The following RTTN variants were observed in gnomAD, a reference collection of about 807,000 sequenced individuals.
RTTN encodes the protein rotatin.
Under a neutral mutation model 269.2 loss-of-function variants are expected in RTTN, and 182 were observed. That is an observed-to-expected ratio of 0.68 (90% CI 0.60 to 0.76). The LOEUF (loss-of-function observed/expected upper bound fraction) is 0.76. RTTN is among the 30% of genes least tolerant of loss of function. The pLI, the probability that RTTN is intolerant of heterozygous loss-of-function variation, is 0.00. For missense variants in RTTN, 2,545 were observed against 2,608.6 expected, an observed-to-expected ratio of 0.98 and a Z score of 0.53; for synonymous variants, 1,006 against 963.5, an observed-to-expected ratio of 1.04 and a Z score of -0.82.
At chr18:70,154,826 A>C (rs1486037772) in intron 14 of RTTN, among the ~76,000 whole-genome samples, 1 of 152,222 alleles carries the variant, frequency 6.6e-6, no homozygotes. Context: ...CAGCTAGCCA[A>C]AGATAAACAT....
intron 38 of RTTN, chr18:70,053,243 G>A (rs970296114): frequency 3.9e-5 from 6 of 152,188 alleles, no homozygotes; most frequent in Admixed American, 3.9e-4. Flanking sequence ...AGGTAGAGTT[G>A]AGCTTTGGAA....
At chr18:70,179,076 T>C (rs1328847442) in intron 10 of RTTN, among the ~76,000 whole-genome samples, 3 of 152,208 alleles carry the variant, frequency 2.0e-5, no homozygotes, top group Admixed American at 1.3e-4. Context: ...AACTTCAGTG[T>C]ATATTTAAGG....
chr18:70,139,938 G>C (rs2060214654), intron 20 of RTTN, 162 bp downstream of exon 20: 1 of 642,930 alleles, frequency 1.6e-6, no homozygotes, highest in African/African-American at 1.9e-5. Context: ...TTCCTTTATA[G>C]AGACTCCACT....
At chr18:70,126,573 C>T (rs922749304) in intron 25 of RTTN, among the ~76,000 whole-genome samples, 6 of 152,092 alleles carry the variant, frequency 3.9e-5, no homozygotes, top group African/African-American at 1.4e-4. Context: ...GTATGCATAA[C>T]CTCAAGAACA....
Position 70,033,314 on chromosome 18 carries a change from A to G in RTTN, c.5542-2333T>C, listed in dbSNP as rs191686200. ...ATTAAACCTCTTTTCTTTATAAATTACTCCGTGTCAGGTATTTCTTTACAG... is the reference window on the plus strand; with the variant it reads ...ATTAAACCTCTTTTCTTTATAAATTGCTCCGTGTCAGGTATTTCTTTACAG... On this transcript the variant is annotated intron_variant, in intron 40 of 48. Coordinates refer to ENST00000640769, the MANE Select transcript of RTTN (RefSeq NM_173630.4). Among the ~76,000 whole-genome samples, 241 of 152,150 alleles carry G rather than the reference A, an allele frequency of 1.6e-3. 2 individuals carry two copies. Among genetic ancestry groups the G allele is most frequent in the African/African-American group, 5.6e-3 (232 of 41,514 alleles).
chr18:70,004,284 G>T (rs1338914711), intron 48 of RTTN, 48 bp from the exon 49 acceptor site: 1 of 1,337,644 alleles, frequency 7.5e-7, no homozygotes, highest in Non-Finnish European at 1.1e-6. Context: ...ATGAAACTTG[G>T]TACTATACTT....
intron 3 of RTTN, among the ~76,000 whole-genome samples, chr18:70,203,331 T>C (rs1176278413): frequency 1.3e-5 from 2 of 152,036 alleles, no homozygotes; most frequent in African/African-American, 2.4e-5. Context: ...GCCTCCCTAC[T>C]AGCTGGGATT....
chr18:70,124,757 G>A (rs11876161), intron 25 of RTTN, among the ~76,000 whole-genome samples: 2,943 of 152,148 alleles, frequency 0.019, 92 homozygotes, highest in African/African-American at 0.066. Flanking sequence ...AGAACCCACA[G>A]GTGACATGTA....
At chr18:70,193,693 C>T (rs1009933428) in intron 7 of RTTN, among the ~76,000 whole-genome samples, 3 of 152,154 alleles carry the variant, frequency 2.0e-5, no homozygotes, top group African/African-American at 7.2e-5. Context: ...TCAGTTACAA[C>T]ATTAGAGACT....
chr18:70,188,548 T>C (rs1022534911), intron 9 of RTTN, among the ~76,000 whole-genome samples: 2 of 152,240 alleles, frequency 1.3e-5, no homozygotes, highest in African/African-American at 4.8e-5. Context: ...ACACGTAATA[T>C]GTGACAAAGC....
intron 19 of RTTN, 91 bp from the exon 20 acceptor site, chr18:70,140,279 A>G: frequency 2.9e-6 from 2 of 694,658 alleles, no homozygotes; most frequent in African/African-American, 1.8e-5. Flanking sequence ...TATCCACACA[A>G]CCTTCAAACT....
At position 70,003,428 on chromosome 18, in the gene RTTN, T is replaced by C. The variant is rs2056092683; in HGVS notation, c.*723A>G. 1 of 152,206 alleles carries C rather than the reference T, an allele frequency of 6.6e-6. No homozygotes were observed. Among genetic ancestry groups the C allele is most frequent in the Non-Finnish European group, 1.5e-5 (1 of 68,054 alleles). 9.4% of individuals were successfully genotyped at this position (152,206 alleles called of 1,614,324 possible). ...CCAGGCTTATACAGCCCCAACTCTA[T>C]TTCTTTCTTCTTTATTACACAGCCT... On this transcript the variant is annotated 3_prime_UTR_variant, in exon 49 of 49. Coordinates refer to ENST00000640769, the MANE Select transcript of RTTN (RefSeq NM_173630.4).
intron 10 of RTTN, among the ~76,000 whole-genome samples, chr18:70,181,909 A>T (rs1031227300): frequency 2.0e-5 from 3 of 152,204 alleles, no homozygotes; most frequent in African/African-American, 7.2e-5. Flanking sequence ...ATTAACCTTT[A>T]AAGTAAAAAT....
chr18:70,156,568 C>T (rs2060682177), intron 14 of RTTN, among the ~76,000 whole-genome samples: 2 of 152,148 alleles, frequency 1.3e-5, no homozygotes. Context: ...TTGTGACCCA[C>T]ACCCTATTTG....
chr18:70,075,590 T>C, intron 32 of RTTN, 49 bp from the exon 33 acceptor site: 1 of 1,431,414 alleles, frequency 7.0e-7, no homozygotes, highest in Non-Finnish European at 9.3e-7. Context: ...TATCCAACAA[T>C]TTCCTTAAAA....
intron 5 of RTTN, 74 bp from the exon 6 acceptor site, chr18:70,197,812 T>C: frequency 1.1e-6 from 1 of 907,700 alleles, no homozygotes; most frequent in Non-Finnish European, 1.8e-6. Context: ...ACTGACACAA[T>C]GACTCCATTA....
chr18:70,151,839 G>A (rs956883698), intron 14 of RTTN, among the ~76,000 whole-genome samples: 1 of 152,080 alleles, frequency 6.6e-6, no homozygotes, highest in Non-Finnish European at 1.5e-5. Flanking sequence ...ATATTCTAAT[G>A]TGTCTATGGC....
At chr18:70,052,483 G>A (rs1022076890) in intron 38 of RTTN, among the ~76,000 whole-genome samples, 2 of 152,124 alleles carry the variant, frequency 1.3e-5, no homozygotes, top group African/African-American at 4.8e-5. Context: ...TACATAAAAA[G>A]GCTAAGTATA....
chr18:70,055,481 C>T lies in RTTN; in HGVS notation c.5032-1197G>A, dbSNP rs770923354. 5.0e-4 allele frequency among the ~76,000 whole-genome samples: 76 copies of T among 152,144 alleles called. 1 individual carries two copies. The highest frequency in any genetic ancestry group is 2.6e-4 in the Non-Finnish European group (18 of 68,020). ...TCTGCCCTACTTCTCCTGATGAATACGTCCTCCCTTTATCTAATCTGCCAA... is the reference window on the plus strand; with the variant it reads ...TCTGCCCTACTTCTCCTGATGAATATGTCCTCCCTTTATCTAATCTGCCAA... On this transcript the variant is annotated intron_variant, in intron 37 of 48. Transcript: ENST00000640769.
Sources: gnomAD v4.1 joint callset for allele counts (sites outside exome capture counted in the v4.1 genomes callset) on GRCh38, gnomAD v4.1.1 for gene constraint, MANE v1.5 for transcripts, NCBI Gene and HGNC (gene_info 2026-07-23, HGNC 2026-07-21) for gene names.